ADAMTS2: variants seen among roughly 807,000 people sequenced by gnomAD.
ADAMTS2 encodes ADAM metallopeptidase with thrombospondin type 1 motif 2, also known as A disintegrin and metalloproteinase with thrombospondin motifs 2.
Under a neutral mutation model 123.0 loss-of-function variants are expected in ADAMTS2, and 50 were observed. That is an observed-to-expected ratio of 0.41 (90% CI 0.32 to 0.51). The LOEUF is 0.51. Ranked by LOEUF, ADAMTS2 falls within the 20% of genes least tolerant of loss-of-function variation. The pLI is 0.35. For missense variants in ADAMTS2, 1,494 were observed against 1,705.2 expected (o/e 0.88, Z 2.18); for synonymous variants, 678 against 695.4 (o/e 0.98, Z 0.39).
chr5:179,207,671 C>T lies in ADAMTS2; in HGVS notation c.733G>A (p.Val245Ile), dbSNP rs398829. The change falls in exon 4 of 22, where the codon GTC becomes ATC. Residue 245 changes from valine (V) to isoleucine (I), a missense_variant. By Grantham distance (29) the Val-to-Ile change is conservative (BLOSUM62 3). Coordinates refer to ENST00000251582, the MANE Select transcript of ADAMTS2 (RefSeq NM_014244.5). ...GAGCTGTTGGCGTGCTCCTCTAGGA[C>T]GCCCAGGGCGCGGCTGAGGCTGTCC... ...SLDSLSRALG[V>I]LEEHANSSRR... is the part of the protein sequence containing the mutation. 0.32 allele frequency: 508,594 copies of T among 1,613,066 alleles called. 85,601 individuals carry two copies. The highest frequency in any genetic ancestry group is 0.65 in the East Asian group (29,117 of 44,868).
intron 5 of ADAMTS2, among the ~76,000 whole-genome samples, chr5:179,173,633 G>C (rs1763870683): frequency 6.6e-6 from 1 of 152,172 alleles, no homozygotes; most frequent in Non-Finnish European, 1.5e-5. Context: ...CTAAAACTTG[G>C]CCCACAGCTG....
At position 179,202,702 on chromosome 5, in the gene ADAMTS2, C is replaced by T. The variant is rs185231983; in HGVS notation, c.891+4811G>A. On this transcript the variant is annotated intron_variant, in intron 4 of 21. Coordinates refer to ENST00000251582, the MANE Select transcript of ADAMTS2 (RefSeq NM_014244.5). This position sits in a 1 kb window ranked among gnomAD's most constrained non-coding sequence, Gnocchi z 4.0. Reference sequence around the variant, plus strand: ...TCCACCCCATCTCAGCAGCTGAACACAATACACCGCACACCGTGTTTCCTT... The same window carrying T: ...TCCACCCCATCTCAGCAGCTGAACATAATACACCGCACACCGTGTTTCCTT... Among the ~76,000 whole-genome samples, 1 of 148,762 alleles carries T rather than the reference C, an allele frequency of 6.7e-6. No homozygotes were observed. The highest frequency in any genetic ancestry group is 1.5e-5 in the Non-Finnish European group (1 of 66,938).
Position 179,126,061 on chromosome 5 carries a change from G to A in ADAMTS2, c.2687C>T (p.Ala896Val). The A allele has an allele frequency of 6.2e-7, 1 of 1,613,384 alleles. No individual in the cohort carries two copies. Residue 896 changes from alanine (A) to valine (V), a missense_variant, in exon 18 of 22, where the codon GCC becomes GTC. Physicochemically the swap from Ala to Val is moderately conservative, Grantham distance 64 (BLOSUM62 0). Around this residue, in one of 6 missense-constraint regions of ADAMTS2, gnomAD observed 953 missense variants for 1,124.7 expected, o/e 0.85. Coordinates refer to ENST00000251582, the MANE Select transcript of ADAMTS2 (RefSeq NM_014244.5). Reference protein sequence around the residue: ...DHKMVHRGFCAALSKPKAIRR... With the variant: ...DHKMVHRGFCVALSKPKAIRR... ...GATGGCTTTGGGCTTCGAGAGGGCGGCACAGAAGCCACGGTGTACCATCTT... is the reference window on the plus strand; with the variant it reads ...GATGGCTTTGGGCTTCGAGAGGGCGACACAGAAGCCACGGTGTACCATCTT...
intron 5 of ADAMTS2, among the ~76,000 whole-genome samples, chr5:179,163,277 G>T (rs1245406993): frequency 6.6e-6 from 1 of 152,182 alleles, no homozygotes; most frequent in East Asian, 1.9e-4. Context: ...TCCCAGTTTT[G>T]AAGGAGAAAG....
intron 7 of ADAMTS2, 21 bp from the exon 8 acceptor site, chr5:179,154,213 G>A (rs1245637482): frequency 1.9e-6 from 3 of 1,542,242 alleles, no homozygotes; most frequent in Non-Finnish European, 2.6e-6. Flanking sequence ...CGAGGCAGCT[G>A]GCTGAATCCC....
rs115593257 is a variant in ADAMTS2, at chr5:179,332,004, C to A, written c.534+11763G>T. ...GGCAAGTTCCAGCTTTCCACCTGTGCCTCTGACCAGGCGGCTATAAATTGG... is the reference window on the plus strand; with the variant it reads ...GGCAAGTTCCAGCTTTCCACCTGTGACTCTGACCAGGCGGCTATAAATTGG... On this transcript the variant is annotated intron_variant, in intron 2 of 21. Coordinates refer to ENST00000251582, the MANE Select transcript of ADAMTS2 (RefSeq NM_014244.5). This position sits in a 1 kb window ranked among gnomAD's most constrained non-coding sequence, Gnocchi z 4.2. 4.8e-3 allele frequency among the ~76,000 whole-genome samples: 735 copies of A among 152,332 alleles called. 7 individuals are homozygous for A. The highest frequency in any genetic ancestry group is 0.017 in the African/African-American group (704 of 41,572).
intron 2 of ADAMTS2, among the ~76,000 whole-genome samples, chr5:179,319,303 C>A (rs189616806): frequency 6.6e-6 from 1 of 152,310 alleles, no homozygotes; most frequent in East Asian, 1.9e-4. Context: ...AGAAAAATGC[C>A]CCATGCATGT....
rs1183262640 is a variant in ADAMTS2, at chr5:179,189,655, C to T, written c.892-8500G>A. Among the ~76,000 whole-genome samples, 3 of 151,420 alleles carry T rather than the reference C, an allele frequency of 2.0e-5. No individual in the cohort carries two copies. Among genetic ancestry groups the T allele is most frequent in the Admixed American group, 2.0e-4 (3 of 15,202 alleles). On this transcript the variant is annotated intron_variant, in intron 4 of 21. Coordinates refer to ENST00000251582, the MANE Select transcript of ADAMTS2 (RefSeq NM_014244.5). This position sits in a 1 kb window ranked among gnomAD's most constrained non-coding sequence, Gnocchi z 4.2. ...TACAGGCGTGAGCCACCGCGCCCGG[C>T]CAGGAGCAATTTTTTGTGGGCTGGG...
intron 2 of ADAMTS2, among the ~76,000 whole-genome samples, chr5:179,306,793 A>G (rs867980828): frequency 3.3e-5 from 5 of 152,312 alleles, no homozygotes; most frequent in Non-Finnish European, 7.4e-5. Context: ...GCCAGCAGAG[A>G]GCCAGGCAGA....
At chr5:179,237,017 G>C (rs1765544979) in intron 3 of ADAMTS2, among the ~76,000 whole-genome samples, 1 of 152,080 alleles carries the variant, frequency 6.6e-6, no homozygotes, top group Non-Finnish European at 1.5e-5. Context: ...CACTTTGGGG[G>C]GTTGAGACGG....
At chr5:179,171,842 CG>C (rs1328171446) in intron 5 of ADAMTS2, among the ~76,000 whole-genome samples, 1 of 152,156 alleles carries the variant, frequency 6.6e-6, no homozygotes, top group Non-Finnish European at 1.5e-5. Flanking sequence ...CCTGAATTCC[CG>C]GGGTCTGACA....
At chr5:179,232,785 T>C (rs897000972) in intron 3 of ADAMTS2, among the ~76,000 whole-genome samples, 10 of 152,188 alleles carry the variant, frequency 6.6e-5, no homozygotes, top group African/African-American at 2.4e-4. Flanking sequence ...ATACCTTTTT[T>C]TTTTTAATAA....
In ADAMTS2 at chr5:179,118,386, A is replaced by G. The variant is rs1762700132; in HGVS notation, c.3178+3275T>C. On this transcript the variant is annotated intron_variant, in intron 21 of 21. Transcript: ENST00000251582. The surrounding 1 kb of genome is among the most constrained non-coding windows in gnomAD (Gnocchi z 4.5). ...CCAAGATGAACACTGTGGTTTTACA[A>G]TATTTGGTCTTCGGCCATTTCCAGT... Among the ~76,000 whole-genome samples, 1 of 152,076 alleles carries G rather than the reference A, an allele frequency of 6.6e-6. No homozygotes were observed. The highest frequency in any genetic ancestry group is 1.5e-5 in the Non-Finnish European group (1 of 68,022).
Position 179,258,264 on chromosome 5 carries a change from C to T in ADAMTS2, c.688+14647G>A, listed in dbSNP as rs28633569. On this transcript the variant is annotated intron_variant, in intron 3 of 21. Transcript: ENST00000251582. ...CTTCTTATTCCCAGCCTGACCCCCC[C>T]AGACCGCCCCCCGCCAACCCAGACA... Among the ~76,000 whole-genome samples, 565 of 152,178 alleles carry T rather than the reference C, an allele frequency of 3.7e-3. 2 individuals are homozygous for T. The highest frequency in any genetic ancestry group is 0.013 in the African/African-American group (532 of 41,492).
Position 179,129,685 on chromosome 5 carries a change from G to A in ADAMTS2, c.2457+247C>T, listed in dbSNP as rs1004581259. Among the ~76,000 whole-genome samples, 2 of 152,178 alleles carry A rather than the reference G, an allele frequency of 1.3e-5. No homozygotes were observed. The highest frequency in any genetic ancestry group is 2.4e-5 in the African/African-American group (1 of 41,452). ...TGAATGTCATTCAGATGGTGAAACC[G>A]AAACCCTCAAAGGGAGAGTGTGCCC... On this transcript the variant is annotated intron_variant, in intron 16 of 21. Coordinates refer to ENST00000251582, the MANE Select transcript of ADAMTS2 (RefSeq NM_014244.5). This position sits in a 1 kb window ranked among gnomAD's most constrained non-coding sequence, Gnocchi z 4.1.
Position 179,124,963 on chromosome 5 carries a change from G to A in ADAMTS2, c.2958+10C>T, listed in dbSNP as rs955501546. On this transcript the variant is annotated intron_variant, in intron 19 of 21. Transcript: ENST00000251582. ...TGGAGCTGAGGACACGGGATCGGGG[G>A]ATTGCGTACCTGGGACCAGGGCCCG... 3.1e-6 allele frequency: 5 copies of A among 1,599,178 alleles called. No individual in the cohort carries two copies. Among genetic ancestry groups the A allele is most frequent in the South Asian group, 2.2e-5 (2 of 89,872 alleles).
intron 10 of ADAMTS2, among the ~76,000 whole-genome samples, chr5:179,145,886 CTT>C (rs1479243048): frequency 3.9e-5 from 6 of 152,316 alleles, no homozygotes; most frequent in African/African-American, 1.4e-4. Flanking sequence ...AAGTTTCGCT[CTT>C]GTTGTCCCGG....
chr5:179,234,641 C>G lies in ADAMTS2; in HGVS notation c.689-26926G>C, dbSNP rs1765485196. On this transcript the variant is annotated intron_variant, in intron 3 of 21. Transcript: ENST00000251582. The surrounding 1 kb of genome is among the most constrained non-coding windows in gnomAD (Gnocchi z 4.7). ...TCCCAAACAAACCTGTCACCTTTCC[C>G]TACCCCAACCCATCAGCCATTGCTG... 6.6e-6 allele frequency among the ~76,000 whole-genome samples: 1 copy of G among 152,114 alleles called. No homozygotes were observed. Among genetic ancestry groups the G allele is most frequent in the Non-Finnish European group, 1.5e-5 (1 of 68,024 alleles).
chr5:179,327,101 G>A (rs1757338423), intron 2 of ADAMTS2, among the ~76,000 whole-genome samples: 1 of 152,182 alleles, frequency 6.6e-6, no homozygotes, highest in Non-Finnish European at 1.5e-5. Context: ...CATAGGCCCG[G>A]CAGATTTCCT....
Sources: gnomAD v4.1 joint callset for allele counts (sites outside exome capture counted in the v4.1 genomes callset) on GRCh38, gnomAD v4.1.1 for gene constraint, gnomAD v4.1.1 regional missense constraint, Gnocchi (gnomAD v3.1) non-coding constraint, MANE v1.5 for transcripts, NCBI Gene and HGNC (gene_info 2026-07-23, HGNC 2026-07-21) for gene names.